The following AHCYL2 variants were observed in gnomAD, a reference collection of about 807,000 sequenced individuals.
The protein encoded by AHCYL2 is adenosylhomocysteinase like 2, also known as S-adenosylhomocysteine hydrolase-like protein 2.
A neutral mutation model predicts 81.4 loss-of-function variants in AHCYL2; 28 were observed. The observed-to-expected ratio is 0.34, with a 90% confidence interval of 0.25 to 0.47. The LOEUF (loss-of-function observed/expected upper bound fraction) is 0.47, where lower values mean the gene tolerates loss of function less well. Ranked by LOEUF, AHCYL2 falls within the 20% of genes least tolerant of loss-of-function variation. AHCYL2 has a pLI of 1.00. For synonymous variants in AHCYL2, 272 were observed against 290.2 expected, an observed-to-expected ratio of 0.94 and a Z score of 0.64; for missense variants, 551 against 785.1, an observed-to-expected ratio of 0.70 and a Z score of 3.56.
chr7:129,361,597 GT>G (rs1329619729), intron 1 of AHCYL2, among the ~76,000 whole-genome samples: 2 of 152,154 alleles, frequency 1.3e-5, no homozygotes, highest in Admixed American at 6.5e-5. Flanking sequence ...TGTACATGCT[GT>G]AATTATTAAC....
intron 1 of AHCYL2, among the ~76,000 whole-genome samples, chr7:129,317,899 C>T (rs1351597469): frequency 6.6e-6 from 1 of 152,148 alleles, no homozygotes; most frequent in African/African-American, 2.4e-5. Flanking sequence ...AAAGAACTAA[C>T]TATTACTATT....
intron 1 of AHCYL2, among the ~76,000 whole-genome samples, chr7:129,264,408 C>T (rs1169986202): frequency 6.6e-6 from 1 of 151,996 alleles, no homozygotes; most frequent in Non-Finnish European, 1.5e-5. Flanking sequence ...AAACCGGTAT[C>T]GAGCTCACGG....
At chr7:129,298,984 T>C (rs1278227487) in intron 1 of AHCYL2, among the ~76,000 whole-genome samples, 2 of 152,140 alleles carry the variant, frequency 1.3e-5, no homozygotes, top group Non-Finnish European at 2.9e-5. Flanking sequence ...TCAAACCTGT[T>C]ATTGTAGCGA....
chr7:129,396,346 C>T (rs1281816697), intron 4 of AHCYL2, among the ~76,000 whole-genome samples: 1 of 151,928 alleles, frequency 6.6e-6, no homozygotes, highest in Non-Finnish European at 1.5e-5. Context: ...AGGATGGTCT[C>T]GATCTCCTGA....
chr7:129,299,408 T>G (rs1797178649), intron 1 of AHCYL2, among the ~76,000 whole-genome samples: 1 of 94,518 alleles, frequency 1.1e-5, no homozygotes, highest in African/African-American at 4.5e-5. Context: ...TTTTTTTTTT[T>G]TTTGAGATGG....
At chr7:129,311,402 T>TGGGG (rs1156769751) in intron 1 of AHCYL2, among the ~76,000 whole-genome samples, 2 of 152,206 alleles carry the variant, frequency 1.3e-5, no homozygotes, top group African/African-American at 4.8e-5. Context: ...TGGTTTTAAA[T>TGGGG]ATCATCTAAC....
chr7:129,408,108 G>A (rs1218385707), intron 10 of AHCYL2, among the ~76,000 whole-genome samples: 2 of 152,170 alleles, frequency 1.3e-5, no homozygotes, highest in Non-Finnish European at 2.9e-5. Flanking sequence ...ACATATCACT[G>A]TAAGTATTTG....
intron 1 of AHCYL2, among the ~76,000 whole-genome samples, chr7:129,349,797 A>G (rs893565482): frequency 2.0e-5 from 3 of 152,178 alleles, no homozygotes; most frequent in African/African-American, 7.2e-5. Context: ...ATCTCTGTAA[A>G]ACCTCTCCCA....
chr7:129,405,786 GGGA>G, intron 8 of AHCYL2, 47 bp from the exon 9 acceptor site: 1 of 1,551,398 alleles, frequency 6.4e-7, no homozygotes, highest in East Asian at 2.3e-5. Context: ...CTAACCTCAA[GGGA>G]GAAACAAGAG....
chr7:129,281,686 T>G (rs1157487289), intron 1 of AHCYL2, among the ~76,000 whole-genome samples: 1 of 151,808 alleles, frequency 6.6e-6, no homozygotes, highest in Non-Finnish European at 1.5e-5. Flanking sequence ...TTTGTAGAGA[T>G]AGGGTTTTGC....
intron 2 of AHCYL2, among the ~76,000 whole-genome samples, chr7:129,388,555 TA>T (rs919374071): frequency 9.9e-5 from 15 of 152,228 alleles, no homozygotes; most frequent in African/African-American, 3.4e-4. Context: ...GAGTCCGTCT[TA>T]AAAAAGAAAG....
chr7:129,354,133 G>A (rs1250406150), intron 1 of AHCYL2, among the ~76,000 whole-genome samples: 2 of 152,096 alleles, frequency 1.3e-5, no homozygotes, highest in Non-Finnish European at 2.9e-5. Context: ...ACTGTAATAA[G>A]TTTAGAAAGC....
At chr7:129,380,985 C>T (rs938498681) in intron 2 of AHCYL2, among the ~76,000 whole-genome samples, 34 of 152,222 alleles carry the variant, frequency 2.2e-4, no homozygotes, top group African/African-American at 8.2e-4. Flanking sequence ...AAATGATTCT[C>T]CTCAGCCTAC....
At chr7:129,339,822 G>A (rs577958116) in intron 1 of AHCYL2, among the ~76,000 whole-genome samples, 2 of 151,346 alleles carry the variant, frequency 1.3e-5, no homozygotes, top group African/African-American at 2.4e-5. Context: ...GAGCCACCTC[G>A]CCTGGCCACT....
intron 1 of AHCYL2, among the ~76,000 whole-genome samples, chr7:129,227,753 A>G (rs964561709): frequency 2.0e-5 from 3 of 151,848 alleles, no homozygotes; most frequent in Non-Finnish European, 2.9e-5. Flanking sequence ...TGTATGTTCC[A>G]TGATTGTAGA....
intron 4 of AHCYL2, among the ~76,000 whole-genome samples, chr7:129,395,336 G>T (rs1465860574): frequency 6.6e-6 from 1 of 152,172 alleles, no homozygotes; most frequent in African/African-American, 2.4e-5. Context: ...TGGGGTTCTT[G>T]GATCTCTGGT....
At chr7:129,298,900 C>CA (rs1797145954) in intron 1 of AHCYL2, among the ~76,000 whole-genome samples, 1 of 152,056 alleles carries the variant, frequency 6.6e-6, no homozygotes, top group South Asian at 2.1e-4. Flanking sequence ...TAAAGGTAGG[C>CA]AAGCTTTTTC....
In AHCYL2 at chr7:129,225,151, C is replaced by T. The variant is rs1394355109; in HGVS notation, c.75C>T (p.Ser25=). The change falls in exon 1 of 17, where the codon TCC becomes TCT. Residue 25 remains serine, a synonymous_variant. Coordinates refer to ENST00000325006, the MANE Select transcript of AHCYL2 (RefSeq NM_015328.4). ...TGGAGCTGAAGGACCTGAGCCCCTC[C>T]GAGGCGGAGTCGCAACTAGGACTGA... ...PEVELKDLSP[S]EAESQLGLST... 12 of 1,600,204 alleles carry T rather than the reference C, an allele frequency of 7.5e-6. No individual in the cohort carries two copies. Among genetic ancestry groups the T allele is most frequent in the Admixed American group, 3.4e-5 (2 of 58,690 alleles).
chr7:129,243,856 G>A (rs906582225), intron 1 of AHCYL2, among the ~76,000 whole-genome samples: 1 of 152,162 alleles, frequency 6.6e-6, no homozygotes, highest in Non-Finnish European at 1.5e-5. Context: ...GCCTCCCAAA[G>A]TGCTGGGATT....
Sources: gnomAD v4.1 joint callset for allele counts (sites outside exome capture counted in the v4.1 genomes callset) on GRCh38, gnomAD v4.1.1 for gene constraint, MANE v1.5 for transcripts, NCBI Gene and HGNC (gene_info 2026-07-23, HGNC 2026-07-21) for gene names.